Variants in NPY2R observed in about 807,000 individuals in gnomAD.
The protein encoded by NPY2R is neuropeptide Y receptor type 2.
Under a neutral mutation model 22.3 loss-of-function variants are expected in NPY2R, and 17 were observed. The observed-to-expected ratio is 0.76, with a 90% CI of 0.52 to 1.14. The LOEUF (loss-of-function observed/expected upper bound fraction) is 1.14. Ranked by LOEUF, NPY2R falls within the 50% of genes most tolerant of loss-of-function variation. NPY2R has a pLI of 0.00. For missense variants in NPY2R, 424 were observed against 467.9 expected, an observed-to-expected ratio of 0.91 and a Z score of 0.87; for synonymous variants, 209 against 183.4, an observed-to-expected ratio of 1.14 and a Z score of -1.13.
At chr4:155,195,449 A>C in the NPY2R span, among the ~76,000 whole-genome samples, 1 of 151,982 alleles carries the variant, frequency 6.6e-6, no homozygotes, top group African/African-American at 2.4e-5. Context: ...TGACAGGAAC[A>C]CCAGACAATT....
the NPY2R span, among the ~76,000 whole-genome samples, chr4:155,194,486 G>C: frequency 6.6e-6 from 1 of 151,910 alleles, no homozygotes; most frequent in Non-Finnish European, 1.5e-5. Flanking sequence ...ACTTATAAGT[G>C]AGAACATGCA....
chr4:155,206,460 A>G (rs1729286269), upstream of NPY2R: 1 of 152,252 alleles, frequency 6.6e-6, no homozygotes, highest in African/African-American at 2.4e-5. Context: ...AAAGTGTCAT[A>G]AGCTAATTCC....
chr4:155,196,486 G>A, the NPY2R span, among the ~76,000 whole-genome samples: 1 of 151,950 alleles, frequency 6.6e-6, no homozygotes, highest in Admixed American at 6.6e-5. Context: ...ATTACAGATT[G>A]AAGCCAAGGC....
the NPY2R span, among the ~76,000 whole-genome samples, chr4:155,188,758 G>A: frequency 1.3e-5 from 2 of 152,006 alleles, no homozygotes; most frequent in Admixed American, 1.3e-4. Flanking sequence ...GCAGCCATCT[G>A]ATCTTTGAAG....
At chr4:155,206,486 T>C (rs1232552851), upstream of NPY2R, 1 of 152,254 alleles carries the variant, frequency 6.6e-6, no homozygotes, top group East Asian at 1.9e-4. Context: ...CTCTCCTTGA[T>C]AATATGATAC....
upstream of NPY2R, chr4:155,208,409 G>A (rs76760119): frequency 0.036 from 5,481 of 152,458 alleles, 191 homozygotes; most frequent in Middle Eastern, 0.095. This position sits in a 1 kb window ranked among gnomAD's most constrained non-coding sequence, Gnocchi z 5.6. Flanking sequence ...AAGTCCAGGA[G>A]GTCTGTCTTC....
chr4:155,174,484 A>ATATATATATATATATTT, the NPY2R span, among the ~76,000 whole-genome samples: 355 of 106,004 alleles, frequency 3.3e-3, no homozygotes, highest in South Asian at 4.4e-3. Flanking sequence ...ATATATATAT[A>ATATATATATATATATTT]TTTTTTTTTT....
At chr4:155,198,992 G>T in the NPY2R span, among the ~76,000 whole-genome samples, 24 of 151,922 alleles carry the variant, frequency 1.6e-4, no homozygotes, top group African/African-American at 5.8e-4. Context: ...ATACCATTCA[G>T]TTTAAGTAAA....
chr4:155,206,236 A>G (rs1729282007), upstream of NPY2R, among the ~76,000 whole-genome samples: 3 of 152,242 alleles, frequency 2.0e-5, no homozygotes, highest in Admixed American at 6.5e-5. Context: ...TTCCTGAGCA[A>G]CTAAATGATT....
the NPY2R span, among the ~76,000 whole-genome samples, chr4:155,181,475 T>G: frequency 3.2e-3 from 486 of 152,280 alleles, 2 homozygotes; most frequent in African/African-American, 0.011. Context: ...AAAAAAAACC[T>G]TACTATGGTC....
the NPY2R span, among the ~76,000 whole-genome samples, chr4:155,181,780 A>AT: frequency 6.6e-6 from 1 of 152,278 alleles, no homozygotes; most frequent in East Asian, 1.9e-4. Context: ...AGTTTATGGC[A>AT]TTTTGTTTTG....
rs1729511791 is a variant in NPY2R at position 155,216,255 on chromosome 4, A to G, written c.*1170A>G. 6.0e-6 allele frequency: 1 copy of G among 166,800 alleles called. No individual in the cohort carries two copies. Among genetic ancestry groups the G allele is most frequent in the Non-Finnish European group, 1.5e-5 (1 of 68,012 alleles). 10.3% of individuals were successfully genotyped at this position (166,800 alleles called of 1,614,324 possible). On this transcript the variant is annotated 3_prime_UTR_variant, in exon 2 of 2. Coordinates refer to ENST00000329476, the MANE Select transcript of NPY2R (RefSeq NM_000910.4). ...TGTCTTCTTTTCAAAATAATTAGCT[A>G]TATTTTTATATAATATGAATATATA...
At chr4:155,207,364 T>G (rs949461835), upstream of NPY2R, 1 of 152,168 alleles carries the variant, frequency 6.6e-6, no homozygotes, top group Non-Finnish European at 1.5e-5. Context: ...AGGAGTATAT[T>G]TCAGAGAAAT....
upstream of NPY2R, among the ~76,000 whole-genome samples, chr4:155,204,329 C>T (rs1406186004): frequency 6.6e-6 from 1 of 152,170 alleles, no homozygotes; most frequent in Non-Finnish European, 1.5e-5. Flanking sequence ...CAATCTTCCC[C>T]ACCTGGGGCC....
the NPY2R span, among the ~76,000 whole-genome samples, chr4:155,183,720 A>G: frequency 6.6e-6 from 1 of 152,198 alleles, no homozygotes. Flanking sequence ...TGCTTGCTCC[A>G]ATATTGAAAG....
Position 155,216,069 on chromosome 4 carries a change from C to T in NPY2R, c.*984C>T, listed in dbSNP as rs545006214. 1 of 167,026 alleles carries T rather than the reference C, an allele frequency of 6.0e-6. No individual in the cohort carries two copies. The highest frequency in any genetic ancestry group is 2.1e-4 in the South Asian group (1 of 4,820). The allele number at this position is 167,026 out of a possible 1,614,324, so 10.3% of individuals were successfully genotyped here. On this transcript the variant is annotated 3_prime_UTR_variant, in exon 2 of 2. Transcript: ENST00000329476. Reference sequence around the variant, plus strand: ...GCTCTCATGTATTTAAAGAACACTGCAGTGTTATTTTCTTTGAAATTCATC... The same window carrying T: ...GCTCTCATGTATTTAAAGAACACTGTAGTGTTATTTTCTTTGAAATTCATC...
chr4:155,185,030 C>CTATATA, the NPY2R span, among the ~76,000 whole-genome samples: 206 of 97,040 alleles, frequency 2.1e-3, no homozygotes, highest in East Asian at 6.9e-3. Context: ...TTAGGTACAA[C>CTATATA]TATATATATA....
chr4:155,187,626 A>T, the NPY2R span, among the ~76,000 whole-genome samples: 1 of 152,162 alleles, frequency 6.6e-6, no homozygotes. Flanking sequence ...TCACTTGGAC[A>T]TCTTGGCAGT....
rs771253621 is a variant in NPY2R at position 155,213,955 on chromosome 4, G to A, written c.16G>A (p.Ala6Thr). The change falls in exon 2 of 2, where the codon GCA (alanine) becomes ACA (threonine). Residue 6 changes from alanine (A) to threonine (T), a missense_variant. Transcript: ENST00000329476. ...TGTACTGAAAATGGGTCCAATAGGT[G>A]CAGAGGCTGATGAGAACCAGACAGT... is the stretch of plus-strand genomic sequence containing the variant. MGPIGAEADENQTVEE... is the reference protein window; with the variant it reads MGPIGTEADENQTVEE... 1.9e-6 allele frequency: 3 copies of A among 1,614,002 alleles called. No homozygotes were observed. Among genetic ancestry groups the A allele is most frequent in the African/African-American group, 2.7e-5 (2 of 75,000 alleles).
Sources: allele counts gnomAD v4.1 joint callset (sites outside exome capture counted in the v4.1 genomes callset), GRCh38; gene constraint gnomAD v4.1.1; non-coding constraint Gnocchi (gnomAD v3.1); transcripts MANE v1.5; gene names NCBI Gene and HGNC (gene_info 2026-07-23, HGNC 2026-07-21).